COL28A1: variants seen among roughly 807,000 people sequenced by gnomAD.
COL28A1 encodes collagen type XXVIII alpha 1 chain, also known as collagen alpha-1(XXVIII) chain.
In COL28A1, 161 loss-of-function variants were observed where a neutral mutation model predicts 150.2. The observed-to-expected ratio is 1.07, with a 90% confidence interval of 0.94 to 1.22. The LOEUF (loss-of-function observed/expected upper bound fraction) is 1.22, where lower values mean the gene tolerates loss of function less well. COL28A1 is among the 50% of genes most tolerant of loss of function. COL28A1 has a pLI of 0.00. For synonymous variants in COL28A1, 552 were observed against 469.7 expected (o/e 1.18, Z -2.26); for missense variants, 1,617 against 1,388.3 (o/e 1.16, Z -2.62).
rs561473950 is a variant in COL28A1, at chr7:7,379,423, C to A, written c.2322+1237G>T. ...TTCCACTCAAGAGATAAAGCCTATC[C>A]TGCCCTCAAACACCATCATACACCA... On this transcript the variant is annotated intron_variant, in intron 30 of 34. Transcript: ENST00000399429. 1.2e-3 allele frequency among the ~76,000 whole-genome samples: 183 copies of A among 152,270 alleles called. No individual in the cohort carries two copies. In the Middle Eastern group the frequency reaches 0.027, roughly 23 times the overall value.
At chr7:7,429,426 T>TCTCA (rs1554270137) in intron 25 of COL28A1, among the ~76,000 whole-genome samples, 1 of 119,386 alleles carries the variant, frequency 8.4e-6, no homozygotes, top group African/African-American at 3.1e-5. Context: ...TCTCTCTCTC[T>TCTCA]CACATACACA....
Position 7,511,104 on chromosome 7 carries a change from A to G in COL28A1, c.914T>C (p.Ile305Thr), listed in dbSNP as rs373725556. 1.1e-5 allele frequency: 17 copies of G among 1,613,380 alleles called. No homozygotes were observed. In the African/African-American group the frequency reaches 1.3e-4, roughly 13 times the overall value. The change falls in exon 9 of 35, where the codon ATA becomes ACA. Residue 305 changes from isoleucine to threonine, a missense_variant. Ile to Thr is a moderately conservative substitution (Grantham distance 89, BLOSUM62 -1). Transcript: ENST00000399429. ...GERGECGKPG[I>T]KGDKGSPGPY... is the part of the protein sequence containing the mutation. ...CATGTTCCTTACCTTGTCACCTTTTATCCCTGGTTTACCACATTCCCCACG... is the reference window on the plus strand; with the variant it reads ...CATGTTCCTTACCTTGTCACCTTTTGTCCCTGGTTTACCACATTCCCCACG...
At chr7:7,485,764 A>T (rs1046042733) in intron 13 of COL28A1, among the ~76,000 whole-genome samples, 3 of 152,090 alleles carry the variant, frequency 2.0e-5, no homozygotes, top group African/African-American at 7.2e-5. Context: ...TGTTGACTAT[A>T]CTTGTGTAGG....
At chr7:7,359,926 T>C (rs965912547) in intron 34 of COL28A1, among the ~76,000 whole-genome samples, 1 of 152,178 alleles carries the variant, frequency 6.6e-6, no homozygotes, top group Non-Finnish European at 1.5e-5. Flanking sequence ...AATATGTACA[T>C]AATAATACAT....
chr7:7,412,738 G>T (rs1054143109), intron 27 of COL28A1, among the ~76,000 whole-genome samples: 25 of 152,044 alleles, frequency 1.6e-4, no homozygotes, highest in Non-Finnish European at 3.5e-4. Flanking sequence ...ATTCAAATCT[G>T]TTGACTCCAT....
At chr7:7,395,551 G>T (rs1442370198) in intron 27 of COL28A1, among the ~76,000 whole-genome samples, 2 of 152,196 alleles carry the variant, frequency 1.3e-5, no homozygotes, top group African/African-American at 4.8e-5. Context: ...GCAGTCCTGT[G>T]TGATAAATCA....
upstream of COL28A1, among the ~76,000 whole-genome samples, chr7:7,539,093 G>C (rs760336060): frequency 4.6e-5 from 7 of 151,958 alleles, no homozygotes; most frequent in Non-Finnish European, 8.8e-5. Flanking sequence ...TATGACCTAG[G>C]CATTCTCTCA....
the COL28A1 span, among the ~76,000 whole-genome samples, chr7:7,344,558 G>A: frequency 6.6e-6 from 1 of 152,008 alleles, no homozygotes; most frequent in Non-Finnish European, 1.5e-5. Flanking sequence ...GTGCTATTTT[G>A]TCATATATCT....
chr7:7,441,322 A>C (rs1785770117), intron 20 of COL28A1, among the ~76,000 whole-genome samples: 2 of 152,138 alleles, frequency 1.3e-5, no homozygotes, highest in Admixed American at 1.3e-4. Context: ...TCTTTCCCCC[A>C]AAAGAGACCA....
downstream of COL28A1, among the ~76,000 whole-genome samples, chr7:7,351,545 G>C (rs1221861590): frequency 6.6e-6 from 1 of 152,036 alleles, no homozygotes; most frequent in South Asian, 2.1e-4. Flanking sequence ...AGATTTCTTG[G>C]TAATTCTAAG....
At chr7:7,375,144 T>A (rs1484990075) in intron 31 of COL28A1, among the ~76,000 whole-genome samples, 1 of 152,132 alleles carries the variant, frequency 6.6e-6, no homozygotes, top group Non-Finnish European at 1.5e-5. Flanking sequence ...CTTTGTTGAG[T>A]TTTTCGTCTC....
At chr7:7,449,592 G>A (rs1413393381) in intron 18 of COL28A1, among the ~76,000 whole-genome samples, 2 of 151,850 alleles carry the variant, frequency 1.3e-5, no homozygotes, top group East Asian at 3.8e-4. Flanking sequence ...TATTCAGACA[G>A]TATGATTGTG....
chr7:7,508,365 T>C (rs1372079371), intron 9 of COL28A1, among the ~76,000 whole-genome samples: 1 of 152,236 alleles, frequency 6.6e-6, no homozygotes, highest in Non-Finnish European at 1.5e-5. Flanking sequence ...AATGAACATC[T>C]TTATGTATAA....
intron 15 of COL28A1, 151 bp downstream of exon 15, chr7:7,474,450 A>C (rs2128350968): frequency 2.4e-6 from 1 of 419,940 alleles, no homozygotes; most frequent in East Asian, 3.8e-5. Context: ...AAATAAAATA[A>C]TTATTTTAAA....
At chr7:7,437,339 T>C in intron 22 of COL28A1, 55 bp downstream of exon 22, 1 of 1,553,420 alleles carries the variant, frequency 6.4e-7, no homozygotes, top group Non-Finnish European at 8.7e-7. Flanking sequence ...ATGATTTTTT[T>C]TTCTCCAACT....
chr7:7,388,615 TCCC>T (rs1030944304), intron 27 of COL28A1, among the ~76,000 whole-genome samples: 18 of 91,930 alleles, frequency 2.0e-4, no homozygotes, highest in Admixed American at 7.4e-4. Context: ...TAATTTACAC[TCCC>T]ACCAACACTG....
intron 15 of COL28A1, among the ~76,000 whole-genome samples, chr7:7,461,924 G>A (rs1210924188): frequency 1.3e-5 from 2 of 152,114 alleles, no homozygotes; most frequent in African/African-American, 2.4e-5. Flanking sequence ...CTCCCAGGAG[G>A]AGGCCAACCG....
chr7:7,459,668 C>G (rs1787450823), intron 15 of COL28A1, among the ~76,000 whole-genome samples: 1 of 152,188 alleles, frequency 6.6e-6, no homozygotes, highest in Non-Finnish European at 1.5e-5. Flanking sequence ...CAGCTCCATT[C>G]CCATTTCTAA....
chr7:7,376,089 G>A (rs1417724302), intron 30 of COL28A1, among the ~76,000 whole-genome samples: 1 of 152,072 alleles, frequency 6.6e-6, no homozygotes, highest in Non-Finnish European at 1.5e-5. Context: ...TTGTCCTGCT[G>A]CCCACAAGCT....
Sources: gnomAD v4.1 joint callset for allele counts (sites outside exome capture counted in the v4.1 genomes callset) on GRCh38, gnomAD v4.1.1 for gene constraint, MANE v1.5 for transcripts, NCBI Gene and HGNC (gene_info 2026-07-23, HGNC 2026-07-21) for gene names.